Variants in CCDC85A observed in about 807,000 individuals in gnomAD.
CCDC85A encodes the protein coiled-coil domain containing 85A.
CCDC85A carries 38 observed loss-of-function variants against 50.2 expected under a neutral mutation model. The observed-to-expected ratio is 0.76, with a 90% CI of 0.58 to 0.99. CCDC85A has a LOEUF of 0.99. Among genes scored for constraint, CCDC85A ranks in the 50% least tolerant of loss-of-function variants. The pLI is 0.00. For missense variants in CCDC85A, 820 were observed against 742.0 expected (o/e 1.11, Z -1.22); for synonymous variants, 366 against 301.4 (o/e 1.21, Z -2.22).
At chr2:56,247,628 A>G (rs554172908) in intron 2 of CCDC85A, among the ~76,000 whole-genome samples, 12 of 152,338 alleles carry the variant, frequency 7.9e-5, no homozygotes, top group Admixed American at 4.6e-4. Flanking sequence ...TTTGAAGGCA[A>G]CTGATAAAAG....
chr2:56,361,982 A>T (rs976384144), intron 3 of CCDC85A, among the ~76,000 whole-genome samples: 2 of 152,080 alleles, frequency 1.3e-5, no homozygotes, highest in Admixed American at 6.5e-5. Context: ...TAGGGTGGAG[A>T]TGGTGAGGAG....
chr2:56,241,098 C>A (rs1055492139), intron 2 of CCDC85A, among the ~76,000 whole-genome samples: 3 of 152,048 alleles, frequency 2.0e-5, no homozygotes, highest in African/African-American at 7.2e-5. Flanking sequence ...TCTCTAATAA[C>A]TAAGAAACAT....
intron 5 of CCDC85A, among the ~76,000 whole-genome samples, chr2:56,383,985 A>G (rs1313501106): frequency 1.3e-5 from 2 of 151,910 alleles, no homozygotes; most frequent in Non-Finnish European, 2.9e-5. Flanking sequence ...GTGTGCAGTC[A>G]GAGTTGGGGA....
chr2:56,245,584 T>G (rs1669465204), intron 2 of CCDC85A, among the ~76,000 whole-genome samples: 1 of 152,234 alleles, frequency 6.6e-6, no homozygotes, highest in African/African-American at 2.4e-5. Context: ...CATTTGGTGT[T>G]CTGCAAGGGG....
intron 5 of CCDC85A, among the ~76,000 whole-genome samples, chr2:56,383,362 T>C (rs1043278031): frequency 6.6e-6 from 1 of 151,972 alleles, no homozygotes; most frequent in Non-Finnish European, 1.5e-5. Flanking sequence ...TAGCGTGAAA[T>C]AGTCTGGGAG....
intron 2 of CCDC85A, among the ~76,000 whole-genome samples, chr2:56,338,437 G>A (rs986955700): frequency 3.9e-5 from 6 of 152,122 alleles, no homozygotes; most frequent in African/African-American, 1.4e-4. Flanking sequence ...GGGGAAGGGG[G>A]TTGCAGCGGA....
chr2:56,317,565 A>G (rs1672977855), intron 2 of CCDC85A, among the ~76,000 whole-genome samples: 1 of 152,096 alleles, frequency 6.6e-6, no homozygotes, highest in African/African-American at 2.4e-5. Flanking sequence ...TTAAGAGGAA[A>G]TTTCACGTGA....
chr2:56,184,661 G>T lies in CCDC85A; in HGVS notation c.37G>T (p.Ala13Ser), dbSNP rs902216611. The change falls in exon 1 of 6, where the codon GCG becomes TCG. Residue 13 changes from alanine to serine, a missense_variant. By Grantham distance (99) the Ala-to-Ser change is moderately conservative (BLOSUM62 1). Coordinates refer to ENST00000407595, the MANE Select transcript of CCDC85A (RefSeq NM_001080433.2). ...KAAGGAAAAA[A>S]AAESCSPAPA... Reference sequence around the variant, plus strand: ...GGCCGGAGGCGCGGCGGCGGCTGCGGCGGCGGCGGAAAGTTGTTCCCCAGC... The same window carrying T: ...GGCCGGAGGCGCGGCGGCGGCTGCGTCGGCGGCGGAAAGTTGTTCCCCAGC... The T allele has an allele frequency of 4.1e-6, 6 of 1,455,614 alleles. No homozygotes were observed. The African/African-American group carries it at 9.0e-5, about 22-fold the overall frequency. The allele number at this position is 1,455,614 out of a possible 1,614,324, so 90.2% of individuals were successfully genotyped here.
At chr2:56,360,363 C>T (rs1017593982) in intron 3 of CCDC85A, among the ~76,000 whole-genome samples, 3 of 152,122 alleles carry the variant, frequency 2.0e-5, no homozygotes, top group Non-Finnish European at 2.9e-5. Context: ...TGCTGAGGGT[C>T]AGGCAGTGAG....
chr2:56,378,354 CTA>C (rs1480626345), intron 5 of CCDC85A, among the ~76,000 whole-genome samples: 1 of 152,088 alleles, frequency 6.6e-6, no homozygotes, highest in Non-Finnish European at 1.5e-5. Flanking sequence ...TGTGATGACA[CTA>C]TATTCTTCTT....
intron 2 of CCDC85A, among the ~76,000 whole-genome samples, chr2:56,304,949 A>AC (rs1298411279): frequency 6.9e-6 from 1 of 144,154 alleles, no homozygotes; most frequent in African/African-American, 2.9e-5. Flanking sequence ...AAAACAAAAA[A>AC]AAAAAAACCT....
chr2:56,286,118 C>T (rs373623073), intron 2 of CCDC85A, among the ~76,000 whole-genome samples: 126 of 149,552 alleles, frequency 8.4e-4, no homozygotes, highest in African/African-American at 2.6e-3. Flanking sequence ...CATTAATGTA[C>T]GCATCTTTCT....
chr2:56,304,434 G>C (rs1281410629), intron 2 of CCDC85A, among the ~76,000 whole-genome samples: 1 of 152,072 alleles, frequency 6.6e-6, no homozygotes, highest in Non-Finnish European at 1.5e-5. Context: ...ATTTTCTCTA[G>C]GACTGGTGTA....
intron 3 of CCDC85A, among the ~76,000 whole-genome samples, chr2:56,362,886 G>A (rs1043778761): frequency 4.6e-5 from 7 of 152,074 alleles, no homozygotes; most frequent in Non-Finnish European, 1.0e-4. Context: ...ACCTCCCAAA[G>A]TGCTGGGATT....
intron 4 of CCDC85A, among the ~76,000 whole-genome samples, chr2:56,373,387 A>G (rs952144613): frequency 1.3e-5 from 2 of 152,132 alleles, no homozygotes; most frequent in Non-Finnish European, 2.9e-5. Context: ...CATAAAAAAA[A>G]AAAAAGTGTG....
chr2:56,326,532 C>T (rs1189438901), intron 2 of CCDC85A, among the ~76,000 whole-genome samples: 1 of 152,062 alleles, frequency 6.6e-6, no homozygotes, highest in East Asian at 1.9e-4. Flanking sequence ...AGAACTTTCC[C>T]TCCGTACTAC....
Position 56,384,470 on chromosome 2 carries a change from T to C in CCDC85A, c.*115T>C. The C allele has an allele frequency of 3.6e-6, 3 of 828,090 alleles. No homozygotes were observed. The South Asian group carries it at 4.5e-5, about 12-fold the overall frequency. The allele number at this position is 828,090 out of a possible 1,614,324, so 51.3% of individuals were successfully genotyped here. A position where few individuals can be genotyped will look rare whatever the true frequency, so the allele number is the denominator to read the frequency against. Reference sequence around the variant, plus strand: ...GGACTCATGGAATAACATGGAGTGATTGTACATTGCACATATCTCCCCTCT... The same window carrying C: ...GGACTCATGGAATAACATGGAGTGACTGTACATTGCACATATCTCCCCTCT... On this transcript the variant is annotated 3_prime_UTR_variant, in exon 6 of 6. Transcript: ENST00000407595.
At chr2:56,341,016 C>T (rs140366543) in intron 2 of CCDC85A, among the ~76,000 whole-genome samples, 123 of 151,926 alleles carry the variant, frequency 8.1e-4, no homozygotes, top group African/African-American at 2.5e-3. Flanking sequence ...TATACATTGG[C>T]GTACTTCTGG....
intron 2 of CCDC85A, among the ~76,000 whole-genome samples, chr2:56,287,682 C>T (rs142697603): frequency 2.0e-5 from 3 of 152,320 alleles, no homozygotes; most frequent in Non-Finnish European, 4.4e-5. Context: ...CTTTCAGAGA[C>T]AGTGTTTACA....
Sources: allele counts gnomAD v4.1 joint callset (sites outside exome capture counted in the v4.1 genomes callset), GRCh38; gene constraint gnomAD v4.1.1; transcripts MANE v1.5; gene names NCBI Gene and HGNC (gene_info 2026-07-23, HGNC 2026-07-21).